NRF1: variants seen among roughly 807,000 people sequenced by gnomAD.
NRF1 encodes the protein nuclear respiratory factor 1.
In NRF1, 5 loss-of-function variants were observed where a neutral mutation model predicts 58.5. The ratio of observed to expected loss-of-function variants is 0.09; its 90% CI spans 0.04 to 0.18. The LOEUF (loss-of-function observed/expected upper bound fraction) is 0.18, where lower values mean the gene tolerates loss of function less well. Ranked by LOEUF, NRF1 falls within the 10% of genes least tolerant of loss-of-function variation. The pLI is 1.00. For missense variants in NRF1, 288 were observed against 657.7 expected, an observed-to-expected ratio of 0.44 and a Z score of 6.15; for synonymous variants, 224 against 246.7, an observed-to-expected ratio of 0.91 and a Z score of 0.86.
chr7:129,726,172 A>G (rs1235095788), intron 9 of NRF1, among the ~76,000 whole-genome samples: 1 of 152,188 alleles, frequency 6.6e-6, no homozygotes, highest in Non-Finnish European at 1.5e-5. Flanking sequence ...CACCATCTCT[A>G]TTCTGTGCCT....
In NRF1 at chr7:129,755,457, T is replaced by C. The variant is rs2116336501; in HGVS notation, c.*276T>C. The stretch of plus-strand genomic sequence containing the variant: ...TTCTTTCTGCGGAAATGTGTGTGTA[T>C]ACTTATGTGTGTGTATGTGTGAGTG... On this transcript the variant is annotated 3_prime_UTR_variant, in exon 11 of 11. Coordinates refer to ENST00000393232, the MANE Select transcript of NRF1 (RefSeq NM_005011.5). The surrounding 1 kb of genome is among the most constrained non-coding windows in gnomAD (Gnocchi z 5.8). 5.9e-6 allele frequency: 2 copies of C among 336,200 alleles called. No individual in the cohort carries two copies. Among genetic ancestry groups the C allele is most frequent in the Non-Finnish European group, 1.1e-5 (2 of 180,828 alleles). The allele number at this position is 336,200 out of a possible 1,614,324, so 20.8% of individuals were successfully genotyped here.
intron 9 of NRF1, 88 bp from the exon 10 acceptor site, chr7:129,727,153 C>T: frequency 1.4e-6 from 2 of 1,388,272 alleles, no homozygotes. Flanking sequence ...AGTAGAAAGA[C>T]CCAAGGAAGG....
At chr7:129,698,674 G>A (rs952234351) in intron 5 of NRF1, among the ~76,000 whole-genome samples, 2 of 152,162 alleles carry the variant, frequency 1.3e-5, no homozygotes, top group Admixed American at 6.5e-5. Context: ...AGAGTGTGCA[G>A]CAGTCACCTG....
At chr7:129,660,280 T>TCAGCTGTG (rs1801750542) in intron 2 of NRF1, among the ~76,000 whole-genome samples, 13 of 150,300 alleles carry the variant, frequency 8.6e-5, no homozygotes, top group African/African-American at 3.0e-4. Context: ...CCAAACCATA[T>TCAGCTGTG]TATTCCACCC....
At chr7:129,679,592 A>AGG (rs1802259899) in intron 4 of NRF1, among the ~76,000 whole-genome samples, 1 of 150,832 alleles carries the variant, frequency 6.6e-6, no homozygotes, top group Non-Finnish European at 1.5e-5. Flanking sequence ...GCCTGGTGGC[A>AGG]CATGCCTGTA....
At chr7:129,725,708 GTT>G (rs1336631044) in intron 9 of NRF1, among the ~76,000 whole-genome samples, 1 of 152,138 alleles carries the variant, frequency 6.6e-6, no homozygotes, top group East Asian at 1.9e-4. Flanking sequence ...ACTTAATAGA[GTT>G]TGCTCAAACT....
intron 3 of NRF1, among the ~76,000 whole-genome samples, chr7:129,675,085 A>G (rs1298449172): frequency 6.6e-6 from 1 of 152,212 alleles, no homozygotes; most frequent in Admixed American, 6.5e-5. Flanking sequence ...TCATTTCAAC[A>G]ATATACATAA....
Position 129,727,335 on chromosome 7 carries a change from G to T in NRF1, c.1318G>T (p.Gly440Ter). 1 of 1,607,436 alleles carries T rather than the reference G, an allele frequency of 6.2e-7. No individual in the cohort carries two copies. Among genetic ancestry groups the T allele is most frequent in the Non-Finnish European group, 8.5e-7 (1 of 1,177,884 alleles). ...GTCTGGGGAAACCGCAGCAGCCGTC[G>T]GAGCACTTACTGGAGTCCAAGATGC... ...VLSGETAAAV[G>*]ALTGVQDANG... The change falls in exon 10 of 11, where the codon GGA becomes TGA. Residue 440 changes from glycine (G) to a stop codon, truncating the protein, a stop_gained. Coordinates refer to ENST00000393232, the MANE Select transcript of NRF1 (RefSeq NM_005011.5). LOFTEE classifies it high-confidence loss of function.
intron 1 of NRF1, among the ~76,000 whole-genome samples, chr7:129,642,697 A>G (rs1043487216): frequency 2.0e-5 from 3 of 149,400 alleles, no homozygotes; most frequent in Non-Finnish European, 4.4e-5. Context: ...ATTCCCCTAT[A>G]TTTTCTCAGT....
intron 1 of NRF1, 41 bp downstream of exon 1, chr7:129,611,865 G>C (rs1434532045): frequency 6.5e-6 from 1 of 153,218 alleles, no homozygotes; most frequent in African/African-American, 2.4e-5. Flanking sequence ...TTTCAGCCCC[G>C]GCGCAGCCGC....
At chr7:129,611,912 C>T (rs998743715) in intron 1 of NRF1, 88 bp downstream of exon 1, 1 of 148,870 alleles carries the variant, frequency 6.7e-6, no homozygotes, top group South Asian at 2.0e-4. Context: ...CGGCCCGCCC[C>T]GCAGCCGGCA....
intron 10 of NRF1, among the ~76,000 whole-genome samples, chr7:129,735,898 C>T (rs1192099300): frequency 1.3e-5 from 2 of 152,116 alleles, no homozygotes; most frequent in African/African-American, 4.8e-5. Flanking sequence ...GTCCCAGCTA[C>T]TTGGGAGGCT....
At chr7:129,627,106 G>A (rs936524771) in intron 1 of NRF1, among the ~76,000 whole-genome samples, 3 of 152,164 alleles carry the variant, frequency 2.0e-5, no homozygotes, top group Admixed American at 6.5e-5. Context: ...AGTTTCTTGC[G>A]TATTCTTCCA....
At chr7:129,734,546 G>GT (rs1803661014) in intron 10 of NRF1, among the ~76,000 whole-genome samples, 1 of 152,338 alleles carries the variant, frequency 6.6e-6, no homozygotes, top group East Asian at 1.9e-4. Flanking sequence ...TCCGAGGGCT[G>GT]TAGGGGTACC....
At chr7:129,734,434 T>C (rs1283564098) in intron 10 of NRF1, among the ~76,000 whole-genome samples, 1 of 152,214 alleles carries the variant, frequency 6.6e-6, no homozygotes, top group Non-Finnish European at 1.5e-5. Flanking sequence ...GTGATAACCA[T>C]TGTTGAACAA....
intron 1 of NRF1, among the ~76,000 whole-genome samples, chr7:129,620,714 G>A (rs1244144686): frequency 1.3e-5 from 2 of 152,152 alleles, no homozygotes; most frequent in Non-Finnish European, 2.9e-5. Flanking sequence ...AAGGGAAAGT[G>A]TTTTGAAAGA....
chr7:129,727,466 A>ATT, intron 10 of NRF1, 101 bp downstream of exon 10: 5 of 1,247,542 alleles, frequency 4.0e-6, no homozygotes, highest in Non-Finnish European at 4.3e-6. Flanking sequence ...TTGAGCTTCG[A>ATT]TTTTTTTTTC....
At chr7:129,704,417 G>A (rs1197849046) in intron 5 of NRF1, among the ~76,000 whole-genome samples, 1 of 152,086 alleles carries the variant, frequency 6.6e-6, no homozygotes. Flanking sequence ...CTAGCTATTT[G>A]TTTGCATTGG....
At chr7:129,620,298 G>T (rs1333086671) in intron 1 of NRF1, among the ~76,000 whole-genome samples, 8 of 151,772 alleles carry the variant, frequency 5.3e-5, no homozygotes, top group East Asian at 3.9e-4. Context: ...GGATTGCTTG[G>T]TTTTTTTATA....
Sources: gnomAD v4.1 joint callset for allele counts (sites outside exome capture counted in the v4.1 genomes callset) on GRCh38, gnomAD v4.1.1 for gene constraint, Gnocchi (gnomAD v3.1) non-coding constraint, MANE v1.5 for transcripts, NCBI Gene and HGNC (gene_info 2026-07-23, HGNC 2026-07-21) for gene names.